The following NUMBL variants were observed in gnomAD, a reference collection of about 807,000 sequenced individuals.
The protein encoded by NUMBL is numb-like protein.
In NUMBL, 20 loss-of-function variants were observed where a neutral mutation model predicts 48.9. That is an observed-to-expected ratio of 0.41 (90% CI 0.29 to 0.59). The LOEUF (loss-of-function observed/expected upper bound fraction) is 0.59. NUMBL is among the 20% of genes least tolerant of loss of function. NUMBL has a pLI of 0.31. For synonymous variants in NUMBL, 340 were observed against 348.7 expected (o/e 0.98, Z 0.28); for missense variants, 660 against 846.2 (o/e 0.78, Z 2.73).
chr19:40,670,091 C>A (rs149436869), intron 8 of NUMBL, 71 bp from the exon 9 acceptor site: 5 of 1,548,506 alleles, frequency 3.2e-6, no homozygotes, highest in Middle Eastern at 2.2e-4. Context: ...CTCTACCCCC[C>A]GCCCTCGGTG....
At position 40,677,887 on chromosome 19, in the gene NUMBL, GA is replaced by G. The variant is rs547934027; in HGVS notation, c.541-467del. Among the ~76,000 whole-genome samples the G allele has an allele frequency of 2.8e-3, 428 of 152,250 alleles. 3 individuals carry two copies. The highest frequency in any genetic ancestry group is 9.8e-3 in the African/African-American group (406 of 41,546). ...TAGTGGTAGTTTCCTATGGGGTGGG[GA>G]ATGACTGGAAAGTGTATGAGGGGAT... On this transcript the variant is annotated intron_variant, in intron 6 of 9. Coordinates refer to ENST00000252891, the MANE Select transcript of NUMBL (RefSeq NM_004756.5).
In NUMBL at chr19:40,667,351, G is replaced by A. The variant is rs2081815155; in HGVS notation, c.*117C>T. The A allele has an allele frequency of 7.3e-7, 1 of 1,379,102 alleles. No individual in the cohort carries two copies. The highest frequency in any genetic ancestry group is 9.7e-7 in the Non-Finnish European group (1 of 1,031,494). 85.4% of individuals were successfully genotyped at this position (1,379,102 alleles called of 1,614,324 possible). A position where few individuals can be genotyped will look rare whatever the true frequency, so the allele number is the denominator to read the frequency against. ...GTTGTCGGGGTGGTTGAGGGAGGGGGGTGTTGAGAGGGTGTTGAGGGGCGC... is the reference window on the plus strand; with the variant it reads ...GTTGTCGGGGTGGTTGAGGGAGGGGAGTGTTGAGAGGGTGTTGAGGGGCGC... On this transcript the variant is annotated 3_prime_UTR_variant, in exon 10 of 10. Coordinates refer to ENST00000252891, the MANE Select transcript of NUMBL (RefSeq NM_004756.5). This position sits in a 1 kb window ranked among gnomAD's most constrained non-coding sequence, Gnocchi z 6.1.
At position 40,675,142 on chromosome 19, in the gene NUMBL, CAAA is replaced by C. The variant is rs71334931; in HGVS notation, c.731-1496_731-1494del. On this transcript the variant is annotated intron_variant, in intron 7 of 9. Coordinates refer to ENST00000252891, the MANE Select transcript of NUMBL (RefSeq NM_004756.5). ...TGGGCAACAGAGCAAGACTCTGTCT[CAAA>C]AAAAAAAAAAAAAAAAAAAAAAAAA... Among the ~76,000 whole-genome samples, 147 of 29,782 alleles carry C rather than the reference CAAA, an allele frequency of 4.9e-3. 1 individual carries two copies. Among genetic ancestry groups the C allele is most frequent in the African/African-American group, 0.016 (135 of 8,260 alleles). 19.5% of individuals were successfully genotyped at this position (29,782 alleles called of 152,430 possible).
intron 8 of NUMBL, among the ~76,000 whole-genome samples, chr19:40,671,827 C>G (rs1322574814): frequency 6.6e-6 from 1 of 152,038 alleles, no homozygotes; most frequent in Non-Finnish European, 1.5e-5. Context: ...CTCCCTCAGG[C>G]AAAAACTCAG....
In NUMBL at chr19:40,668,000, TGCTGC is replaced by T; in HGVS notation, c.1293_1297del (p.Gln432ThrfsTer38). 1 of 875,270 alleles carries T rather than the reference TGCTGC, an allele frequency of 1.1e-6. No homozygotes were observed. Among genetic ancestry groups the T allele is most frequent in the Non-Finnish European group, 1.5e-6 (1 of 657,058 alleles). The allele number at this position is 875,270 out of a possible 1,614,324, so 54.2% of individuals were successfully genotyped here. A position where few individuals can be genotyped will look rare whatever the true frequency, so the allele number is the denominator to read the frequency against. On this transcript the variant is annotated frameshift_variant, in exon 10 of 10. Coordinates refer to ENST00000252891, the MANE Select transcript of NUMBL (RefSeq NM_004756.5). LOFTEE classifies it low-confidence loss of function (END_TRUNC). The surrounding 1 kb of genome is among the most constrained non-coding windows in gnomAD (Gnocchi z 6.1). Reference sequence around the variant, plus strand: ...CTGCTGCTGCTGCTGCTGTTGCTGTTGCTGCTGCTGCTGCTGCTGGGCCTTGGCCA... The same window carrying T: ...CTGCTGCTGCTGCTGCTGTTGCTGTTTGCTGCTGCTGCTGGGCCTTGGCCA...
chr19:40,677,483 G>T, intron 6 of NUMBL, 62 bp from the exon 7 acceptor site: 3 of 1,497,620 alleles, frequency 2.0e-6, no homozygotes, highest in Non-Finnish European at 2.7e-6. Flanking sequence ...GGGGCCAGGG[G>T]CACTGGGTTA....
In NUMBL at chr19:40,680,983, G is replaced by A; in HGVS notation, c.474C>T (p.Ser158=). The A allele has an allele frequency of 1.2e-6, 2 of 1,614,218 alleles. No individual in the cohort carries two copies. The highest frequency in any genetic ancestry group is 8.5e-7 in the Non-Finnish European group (1 of 1,180,040). The change falls in exon 6 of 10, where the codon TCC becomes TCT. Residue 158 remains serine, a synonymous_variant. Transcript: ENST00000252891. Reference sequence around the variant, plus strand: ...GGGTAGTCCCGTCACGACAGATATAGGAGAAAGCCTTGTCCAGGTTGCGGT... The same window carrying A: ...GGGTAGTCCCGTCACGACAGATATAAGAGAAAGCCTTGTCCAGGTTGCGGT... ...APDRNLDKAF[S]YICRDGTTRR...
Position 40,667,737 on chromosome 19 carries a change from A to G in NUMBL, c.1561T>C (p.Cys521Arg), listed in dbSNP as rs1396063492. 1 of 1,577,460 alleles carries G rather than the reference A, an allele frequency of 6.3e-7. No homozygotes were observed. Among genetic ancestry groups the G allele is most frequent in the Non-Finnish European group, 8.6e-7 (1 of 1,162,596 alleles). Residue 521 changes from cysteine (C) to arginine (R), a missense_variant, in exon 10 of 10, where the codon TGC becomes CGC. Physicochemically the swap from Cys to Arg is radical, Grantham distance 180 (BLOSUM62 -3). This residue lies in a region of NUMBL where 296 missense variants were observed against 339.7 expected (regional missense o/e 0.87). Transcript: ENST00000252891. This position sits in a 1 kb window ranked among gnomAD's most constrained non-coding sequence, Gnocchi z 6.1. ...TGAGGCTGGAGCTGGGCGGCTGAGCAGAAGGCGTTTGCCACCATCTGTGAG... is the reference window on the plus strand; with the variant it reads ...TGAGGCTGGAGCTGGGCGGCTGAGCGGAAGGCGTTTGCCACCATCTGTGAG... ...TPSQMVANAF[C>R]SAAQLQPQPA...
In NUMBL at chr19:40,673,218, C is replaced by G. The variant is rs943680974; in HGVS notation, c.1036+126G>C. 30 of 1,001,954 alleles carry G rather than the reference C, an allele frequency of 3.0e-5. No homozygotes were observed. Among genetic ancestry groups the G allele is most frequent in the Non-Finnish European group, 3.6e-5 (25 of 699,672 alleles). The allele number at this position is 1,001,954 out of a possible 1,614,324, so 62.1% of individuals were successfully genotyped here. On this transcript the variant is annotated intron_variant, in intron 8 of 9. Transcript: ENST00000252891. This position sits in a 1 kb window ranked among gnomAD's most constrained non-coding sequence, Gnocchi z 5.9. ...ATCGATCATGACATGTTCCCACTCT[C>G]TCTCCTTTGCCCATGGCAGACAGTG...
chr19:40,675,142 CA>C (rs71334931), intron 7 of NUMBL, among the ~76,000 whole-genome samples: 128 of 29,782 alleles, frequency 4.3e-3, no homozygotes, highest in East Asian at 6.7e-3. Flanking sequence ...GACTCTGTCT[CA>C]AAAAAAAAAA....
chr19:40,673,286 C>T lies in NUMBL; in HGVS notation c.1036+58G>A, dbSNP rs1302236063. On this transcript the variant is annotated intron_variant, in intron 8 of 9. Coordinates refer to ENST00000252891, the MANE Select transcript of NUMBL (RefSeq NM_004756.5). The surrounding 1 kb of genome is among the most constrained non-coding windows in gnomAD (Gnocchi z 5.9). The stretch of plus-strand genomic sequence containing the variant: ...GAACCATCTCGCCTCCATCCCTTGC[C>T]CACATCAGATAGTGCCAATTGATTC... The T allele has an allele frequency of 3.3e-6, 5 of 1,506,972 alleles. No individual in the cohort carries two copies. Among genetic ancestry groups the T allele is most frequent in the Non-Finnish European group, 4.5e-6 (5 of 1,118,472 alleles). 93.4% of individuals were successfully genotyped at this position (1,506,972 alleles called of 1,614,324 possible). A position where few individuals can be genotyped will look rare whatever the true frequency, so the allele number is the denominator to read the frequency against.
At chr19:40,678,896 G>C (rs2144658925) in intron 6 of NUMBL, among the ~76,000 whole-genome samples, 1 of 152,244 alleles carries the variant, frequency 6.6e-6, no homozygotes, top group South Asian at 2.1e-4. Context: ...TTCGAGACCA[G>C]CCTGGCCAAC....
At chr19:40,684,756 G>A in intron 2 of NUMBL, 200 bp from the exon 3 acceptor site, 1 of 718,250 alleles carries the variant, frequency 1.4e-6, no homozygotes, top group Non-Finnish European at 2.2e-6. Context: ...CAGAAGCCAG[G>A]GGAGTGCGAA....
In NUMBL at chr19:40,683,168, G is replaced by C. The variant is rs1287855804; in HGVS notation, c.250-200C>G. The C allele has an allele frequency of 1.3e-4, 79 of 627,856 alleles. 1 individual carries two copies. In the East Asian group the frequency reaches 2.1e-3, roughly 17 times the overall value. The allele number at this position is 627,856 out of a possible 1,614,324, so 38.9% of individuals were successfully genotyped here. Reference sequence around the variant, plus strand: ...ATGCAGATGGGGAAACTGAAGCACAGCACGTAGTAGTGATTCCAGTCTAGC... The same window carrying C: ...ATGCAGATGGGGAAACTGAAGCACACCACGTAGTAGTGATTCCAGTCTAGC... On this transcript the variant is annotated intron_variant, in intron 3 of 9. Coordinates refer to ENST00000252891, the MANE Select transcript of NUMBL (RefSeq NM_004756.5).
Position 40,687,925 on chromosome 19 carries a change from G to A in NUMBL, c.25-930C>T, listed in dbSNP as rs565452457. Among the ~76,000 whole-genome samples the A allele has an allele frequency of 2.6e-5, 4 of 152,278 alleles. No homozygotes were observed. The highest frequency in any genetic ancestry group is 4.2e-4 in the South Asian group (2 of 4,818). Reference sequence around the variant, plus strand: ...ACTGTTTTTGGCCACACACTGTCACGTGGTCACACATACTCAGTCATAGGT... The same window carrying A: ...ACTGTTTTTGGCCACACACTGTCACATGGTCACACATACTCAGTCATAGGT... On this transcript the variant is annotated intron_variant, in intron 1 of 9. Transcript: ENST00000252891. The surrounding 1 kb of genome is among the most constrained non-coding windows in gnomAD (Gnocchi z 4.6).
At chr19:40,683,115 A>G in intron 3 of NUMBL, 147 bp from the exon 4 acceptor site, 1 of 733,440 alleles carries the variant, frequency 1.4e-6, no homozygotes, top group Non-Finnish European at 2.4e-6. Flanking sequence ...CAACTCTACA[A>G]GGTGGAGACC....
intron 8 of NUMBL, among the ~76,000 whole-genome samples, chr19:40,671,332 C>T (rs2081846583): frequency 6.6e-6 from 1 of 151,846 alleles, no homozygotes; most frequent in Admixed American, 6.6e-5. Context: ...GAGAGTATAC[C>T]TGACTGTGAG....
chr19:40,678,331 T>C (rs1324536444), intron 6 of NUMBL, among the ~76,000 whole-genome samples: 1 of 152,040 alleles, frequency 6.6e-6, no homozygotes, highest in African/African-American at 2.4e-5. Context: ...CCTGGTTAAT[T>C]TGTGTATTTT....
intron 6 of NUMBL, among the ~76,000 whole-genome samples, chr19:40,679,821 G>A (rs984971183): frequency 1.3e-5 from 2 of 152,140 alleles, no homozygotes; most frequent in Non-Finnish European, 2.9e-5. Context: ...GGGGTAGTGG[G>A]GAGACGGGGT....
Sources: allele counts gnomAD v4.1 joint callset (sites outside exome capture counted in the v4.1 genomes callset), GRCh38; gene constraint gnomAD v4.1.1; regional missense constraint gnomAD v4.1.1; non-coding constraint Gnocchi (gnomAD v3.1); transcripts MANE v1.5; gene names NCBI Gene and HGNC (gene_info 2026-07-23, HGNC 2026-07-21).